Variants in KLHL3 observed in about 807,000 individuals in gnomAD.
The protein encoded by KLHL3 is kelch like family member 3, also known as kelch-like protein 3.
In KLHL3, 19 loss-of-function variants were observed where a neutral mutation model predicts 70.5. That is an observed-to-expected ratio of 0.27 (90% CI 0.19 to 0.40). The LOEUF (loss-of-function observed/expected upper bound fraction) is 0.40, where lower values mean the gene tolerates loss of function less well. Among genes scored for constraint, KLHL3 ranks in the 10% least tolerant of loss-of-function variants. KLHL3 has a pLI of 1.00. For missense variants in KLHL3, 512 were observed against 771.1 expected (o/e 0.66, Z 3.98); for synonymous variants, 258 against 290.3 (o/e 0.89, Z 1.13).
chr5:137,652,380 T>G (rs1015325291), intron 8 of KLHL3, among the ~76,000 whole-genome samples: 2 of 152,152 alleles, frequency 1.3e-5, no homozygotes, highest in Non-Finnish European at 2.9e-5. Flanking sequence ...CACTGCAGCA[T>G]TAGTTGCAAG....
At chr5:137,698,732 G>T (rs538924922) in intron 3 of KLHL3, among the ~76,000 whole-genome samples, 6 of 152,278 alleles carry the variant, frequency 3.9e-5, no homozygotes, top group African/African-American at 1.4e-4. Context: ...CAGAAAAAGT[G>T]AACAAGATAT....
intron 6 of KLHL3, among the ~76,000 whole-genome samples, chr5:137,662,394 A>T (rs1032940984): frequency 6.6e-6 from 1 of 152,196 alleles, no homozygotes; most frequent in Non-Finnish European, 1.5e-5. Context: ...ACTGTGAACC[A>T]AATTTATAGA....
chr5:137,722,098 C>T (rs1753007559), intron 1 of KLHL3, among the ~76,000 whole-genome samples: 1 of 152,180 alleles, frequency 6.6e-6, no homozygotes, highest in Non-Finnish European at 1.5e-5. Flanking sequence ...GGGTACTCTC[C>T]TTTGATTTTC....
intron 13 of KLHL3, 33 bp downstream of exon 13, chr5:137,628,264 C>A (rs1382352750): frequency 3.1e-6 from 5 of 1,612,364 alleles, no homozygotes; most frequent in Middle Eastern, 1.6e-4. Context: ...GGCACACAAC[C>A]CCCAAAGGGG....
intron 11 of KLHL3, among the ~76,000 whole-genome samples, chr5:137,635,386 T>G (rs1186922156): frequency 6.6e-6 from 1 of 152,194 alleles, no homozygotes; most frequent in South Asian, 2.1e-4. Flanking sequence ...CCAGGCTACT[T>G]GCATGGTATG....
rs1752723271 is a variant in KLHL3 at position 137,708,283 on chromosome 5, GTGCCAAGTCTC to G, written c.241+1456_241+1466del. 2.6e-5 allele frequency among the ~76,000 whole-genome samples: 4 copies of G among 152,342 alleles called. 1 individual carries two copies. The South Asian group carries it at 6.2e-4, about 24-fold the overall frequency. On this transcript the variant is annotated intron_variant, in intron 3 of 14. Coordinates refer to ENST00000309755, the MANE Select transcript of KLHL3 (RefSeq NM_017415.3). ...CATGTGACAAACTCTCAGTGCACAA[GTGCCAAGTCTC>G]TCCCAACAAAACCAGTCTTGCCCAG... is the stretch of plus-strand genomic sequence containing the variant.
At chr5:137,701,723 G>A (rs1358681913) in intron 3 of KLHL3, among the ~76,000 whole-genome samples, 1 of 152,114 alleles carries the variant, frequency 6.6e-6, no homozygotes, top group Non-Finnish European at 1.5e-5. Flanking sequence ...TCAAGGACTT[G>A]GTCACTCTTG....
chr5:137,622,255 T>A, intron 14 of KLHL3, 129 bp from the exon 15 acceptor site: 1 of 1,108,696 alleles, frequency 9.0e-7, no homozygotes, highest in South Asian at 1.4e-5. Context: ...TATCCTAATA[T>A]TGAAGTGGAC....
At chr5:137,649,042 C>T (rs1393312516) in intron 8 of KLHL3, among the ~76,000 whole-genome samples, 4 of 152,198 alleles carry the variant, frequency 2.6e-5, no homozygotes, top group South Asian at 2.1e-4. Context: ...ACACAGCATT[C>T]GGCTATAATG....
At chr5:137,662,503 A>G (rs1414755518) in intron 6 of KLHL3, among the ~76,000 whole-genome samples, 1 of 152,204 alleles carries the variant, frequency 6.6e-6, no homozygotes, top group Non-Finnish European at 1.5e-5. Flanking sequence ...TAGAATAAAA[A>G]CAGTAAGAAT....
intron 11 of KLHL3, among the ~76,000 whole-genome samples, chr5:137,635,518 T>G (rs1750745500): frequency 6.6e-6 from 1 of 152,168 alleles, no homozygotes; most frequent in Non-Finnish European, 1.5e-5. Flanking sequence ...AGTAGCAAAT[T>G]ATTGTGATTT....
intron 6 of KLHL3, among the ~76,000 whole-genome samples, chr5:137,673,253 G>A (rs1432578652): frequency 1.3e-5 from 2 of 152,128 alleles, no homozygotes; most frequent in Non-Finnish European, 2.9e-5. Flanking sequence ...TATATAAACT[G>A]CATGCATTTT....
intron 8 of KLHL3, among the ~76,000 whole-genome samples, chr5:137,657,755 G>C (rs1751377693): frequency 6.6e-6 from 1 of 152,144 alleles, no homozygotes; most frequent in African/African-American, 2.4e-5. Flanking sequence ...CTGACTCAAA[G>C]AATGGCCTAG....
chr5:137,716,908 C>T (rs980182123), intron 2 of KLHL3, among the ~76,000 whole-genome samples: 17 of 152,172 alleles, frequency 1.1e-4, no homozygotes, highest in Admixed American at 8.5e-4. Context: ...GTCTAACCAA[C>T]CCCCCTTCCC....
chr5:137,664,331 C>T (rs906243331), intron 6 of KLHL3, among the ~76,000 whole-genome samples: 21 of 148,450 alleles, frequency 1.4e-4, no homozygotes, highest in Non-Finnish European at 2.7e-4. Flanking sequence ...ATCTGGGAGA[C>T]GAAGTGAGAC....
At chr5:137,735,141 C>T (rs1428076884) in intron 1 of KLHL3, among the ~76,000 whole-genome samples, 2 of 152,136 alleles carry the variant, frequency 1.3e-5, no homozygotes, top group African/African-American at 4.8e-5. Context: ...CGTGCACGCG[C>T]GCACACACAC....
intron 8 of KLHL3, among the ~76,000 whole-genome samples, chr5:137,652,095 C>G (rs1751215150): frequency 6.6e-6 from 1 of 151,452 alleles, no homozygotes. Context: ...AAGTGTAAAA[C>G]CTAAAACTTC....
At chr5:137,695,379 G>A (rs1477409612) in intron 4 of KLHL3, among the ~76,000 whole-genome samples, 1 of 151,984 alleles carries the variant, frequency 6.6e-6, no homozygotes, top group Non-Finnish European at 1.5e-5. Context: ...GGGCCTTCTG[G>A]TTTCTCTAGT....
chr5:137,647,535 ACT>A (rs1430508421), intron 8 of KLHL3: 2 of 471,952 alleles, frequency 4.2e-6, no homozygotes, highest in South Asian at 1.5e-5. Flanking sequence ...GCATGTCCAA[ACT>A]CTCTTCTGTG....
Sources: gnomAD v4.1 joint callset for allele counts (sites outside exome capture counted in the v4.1 genomes callset) on GRCh38, gnomAD v4.1.1 for gene constraint, MANE v1.5 for transcripts, NCBI Gene and HGNC (gene_info 2026-07-23, HGNC 2026-07-21) for gene names.